The following DCTN4 variants were observed in gnomAD, a reference collection of about 807,000 sequenced individuals.
DCTN4 encodes dynactin subunit 4.
In DCTN4, 23 loss-of-function variants were observed where a neutral mutation model predicts 62.7. The ratio of observed to expected loss-of-function variants is 0.37; its 90% CI spans 0.26 to 0.52. The LOEUF (loss-of-function observed/expected upper bound fraction) is 0.52. DCTN4 is among the 20% of genes least tolerant of loss of function. The pLI, the probability that DCTN4 is intolerant of heterozygous loss-of-function variation, is 0.92. For synonymous variants in DCTN4, 199 were observed against 202.1 expected, an observed-to-expected ratio of 0.98 and a Z score of 0.13; for missense variants, 514 against 580.4, an observed-to-expected ratio of 0.89 and a Z score of 1.18.
At position 150,756,400 on chromosome 5, in the gene DCTN4, A is replaced by T; in HGVS notation, c.206+17T>A. The T allele has an allele frequency of 6.5e-7, 1 of 1,547,168 alleles. No individual in the cohort carries two copies. Among genetic ancestry groups the T allele is most frequent in the Non-Finnish European group, 8.7e-7 (1 of 1,149,452 alleles). ...CAAGGAAAATAGGAAGAAAAAAAAA[A>T]TCAGTCCAGGTCTTACCTATTCTTT... On this transcript the variant is annotated intron_variant, in intron 2 of 12. Coordinates refer to ENST00000447998, the MANE Select transcript of DCTN4 (RefSeq NM_016221.4).
chr5:150,729,379 T>C (rs1760274813), intron 8 of DCTN4, among the ~76,000 whole-genome samples: 1 of 152,036 alleles, frequency 6.6e-6, no homozygotes, highest in Non-Finnish European at 1.5e-5. Flanking sequence ...ATCTATGCTC[T>C]CAGGTTAAAC....
chr5:150,736,223 A>G (rs1295737636), intron 4 of DCTN4: 1 of 152,224 alleles, frequency 6.6e-6, no homozygotes, highest in Admixed American at 6.5e-5. Flanking sequence ...TGGCCTTGCT[A>G]GAGATCTAGA....
chr5:150,748,381 A>G (rs1752538311), intron 3 of DCTN4, among the ~76,000 whole-genome samples: 1 of 152,132 alleles, frequency 6.6e-6, no homozygotes, highest in African/African-American at 2.4e-5. Flanking sequence ...CAGTGTGGCG[A>G]TTCCTCAGGG....
chr5:150,738,230 A>G (rs1409765536), intron 4 of DCTN4, among the ~76,000 whole-genome samples: 2 of 152,222 alleles, frequency 1.3e-5, no homozygotes, highest in African/African-American at 4.8e-5. Context: ...AACTATTCCA[A>G]AAGATAAAGA....
At chr5:150,729,053 T>C (rs1369117501) in intron 8 of DCTN4, among the ~76,000 whole-genome samples, 32 of 123,272 alleles carry the variant, frequency 2.6e-4, no homozygotes, top group African/African-American at 1.0e-3. Flanking sequence ...TTTTTTTTTT[T>C]TTTTTTTTTT....
intron 8 of DCTN4, among the ~76,000 whole-genome samples, chr5:150,726,192 T>C (rs571483030): frequency 6.6e-6 from 1 of 152,352 alleles, no homozygotes; most frequent in East Asian, 1.9e-4. Context: ...AGTATTTATG[T>C]GAAAATTTAA....
At chr5:150,753,251 A>G (rs918307367) in intron 3 of DCTN4, among the ~76,000 whole-genome samples, 2 of 152,234 alleles carry the variant, frequency 1.3e-5, no homozygotes, top group African/African-American at 4.8e-5. Context: ...AGAAAGTACC[A>G]GATTTATAAA....
At chr5:150,711,421 G>C in intron 12 of DCTN4, 59 bp from the exon 13 acceptor site, 1 of 1,343,568 alleles carries the variant, frequency 7.4e-7, no homozygotes, top group Non-Finnish European at 1.1e-6. Context: ...AAACCACTAA[G>C]ACTTACAGTA....
chr5:150,716,912 C>T (rs1183971129), intron 11 of DCTN4, among the ~76,000 whole-genome samples: 6 of 141,456 alleles, frequency 4.2e-5, no homozygotes, highest in African/African-American at 1.1e-4. Flanking sequence ...AGTGAGATTC[C>T]GTCTCAAAAA....
chr5:150,724,430 G>C (rs1382849080), intron 8 of DCTN4, among the ~76,000 whole-genome samples: 1 of 151,950 alleles, frequency 6.6e-6, no homozygotes, highest in Non-Finnish European at 1.5e-5. Flanking sequence ...GTTTTCTTTG[G>C]CATGAGGGTA....
At chr5:150,749,688 G>C (rs1236812362) in intron 3 of DCTN4, among the ~76,000 whole-genome samples, 1 of 151,902 alleles carries the variant, frequency 6.6e-6, no homozygotes, top group Non-Finnish European at 1.5e-5. Flanking sequence ...TAGTTTGGCA[G>C]CTTCTAGACA....
chr5:150,723,420 G>A (rs1285535188), intron 8 of DCTN4, among the ~76,000 whole-genome samples: 4 of 152,074 alleles, frequency 2.6e-5, no homozygotes, highest in Non-Finnish European at 5.9e-5. Context: ...ATGGACACTG[G>A]GATTTAAATC....
At position 150,711,253 on chromosome 5, in the gene DCTN4, T is replaced by A. The variant is rs1445029125; in HGVS notation, c.1279A>T (p.Asn427Tyr). 5.6e-6 allele frequency: 9 copies of A among 1,613,276 alleles called. No individual in the cohort carries two copies. Among genetic ancestry groups the A allele is most frequent in the Non-Finnish European group, 7.6e-6 (9 of 1,180,018 alleles). The change falls in exon 13 of 13, where the codon AAC becomes TAC. Residue 427 changes from asparagine (N) to tyrosine (Y), a missense_variant. By Grantham distance (143) the Asn-to-Tyr change is moderately radical. Coordinates refer to ENST00000447998, the MANE Select transcript of DCTN4 (RefSeq NM_016221.4). ...ATGGGGCGAATGGGGGCTGCCAGGT[T>A]TTTAAAATCATGCTTCATCTTGAAG... ...VCFKMKHDFK[N>Y]LAAPIRPIEE...
At chr5:150,716,712 G>A (rs1469388336) in intron 11 of DCTN4, among the ~76,000 whole-genome samples, 6 of 152,132 alleles carry the variant, frequency 3.9e-5, no homozygotes, top group Non-Finnish European at 8.8e-5. Context: ...AAGGTCAAGC[G>A]ATTGAGACCA....
At chr5:150,731,771 G>T in intron 5 of DCTN4, 1 of 982,576 alleles carries the variant, frequency 1.0e-6, no homozygotes. Flanking sequence ...CTAAGCTACG[G>T]CTCAGGCAAG....
At chr5:150,730,966 C>A in intron 7 of DCTN4, 78 bp downstream of exon 7, 1 of 942,584 alleles carries the variant, frequency 1.1e-6, no homozygotes, top group South Asian at 1.5e-5. Context: ...TTAAAAATCT[C>A]AAATCACTAG....
At position 150,710,967 on chromosome 5, in the gene DCTN4, G is replaced by C. The variant is rs1759538052; in HGVS notation, c.*182C>G. 1 of 623,480 alleles carries C rather than the reference G, an allele frequency of 1.6e-6. No homozygotes were observed. Among genetic ancestry groups the C allele is most frequent in the Non-Finnish European group, 2.8e-6 (1 of 356,246 alleles). The allele number at this position is 623,480 out of a possible 1,614,324, so 38.6% of individuals were successfully genotyped here. ...CTGGTGTCAACAGGGGTGAGAGCAA[G>C]AGCAACAGCAGCTACCCTGTGTTCC... On this transcript the variant is annotated 3_prime_UTR_variant, in exon 13 of 13. Coordinates refer to ENST00000447998, the MANE Select transcript of DCTN4 (RefSeq NM_016221.4).
In DCTN4 at chr5:150,730,679, G is replaced by A. The variant is rs1333007493; in HGVS notation, c.786C>T (p.Leu262=). The change falls in exon 8 of 13, where the codon CTC becomes CTT. Residue 262 remains leucine, a synonymous_variant. Transcript: ENST00000447998. ...PDFQPVCASQ[L]YPRHKHLLIK... is the part of the protein sequence containing the mutation. The stretch of plus-strand genomic sequence containing the variant: ...TCAGAAGATGTTTGTGGCGAGGATA[G>A]AGCTGTGAAGCACAGACTGGCTGGA... 2 of 1,613,986 alleles carry A rather than the reference G, an allele frequency of 1.2e-6. No homozygotes were observed. Among genetic ancestry groups the A allele is most frequent in the Admixed American group, 3.3e-5 (2 of 60,004 alleles).
chr5:150,755,622 C>T (rs78491823), intron 2 of DCTN4: 8,011 of 455,734 alleles, frequency 0.018, 538 homozygotes, highest in African/African-American at 0.14. Context: ...CTATAAAATA[C>T]CTCACCAGTA....
Sources: gnomAD v4.1 joint callset for allele counts (sites outside exome capture counted in the v4.1 genomes callset) on GRCh38, gnomAD v4.1.1 for gene constraint, MANE v1.5 for transcripts, NCBI Gene and HGNC (gene_info 2026-07-23, HGNC 2026-07-21) for gene names.